MAPK14: variants seen among roughly 807,000 people sequenced by gnomAD.
The protein encoded by MAPK14 is mitogen-activated protein kinase 14.
MAPK14 carries 16 observed loss-of-function variants against 49.6 expected under a neutral mutation model. That is an observed-to-expected ratio of 0.32 (90% confidence interval 0.22 to 0.49). The LOEUF is 0.49. Among genes scored for constraint, MAPK14 ranks in the 20% least tolerant of loss-of-function variants. MAPK14 has a pLI of 0.99. For missense variants in MAPK14, 200 were observed against 441.2 expected (o/e 0.45, Z 4.90); for synonymous variants, 142 against 158.0 (o/e 0.90, Z 0.76).
At chr6:36,055,279 A>G (rs1347320421) in intron 2 of MAPK14, among the ~76,000 whole-genome samples, 2 of 152,348 alleles carry the variant, frequency 1.3e-5, no homozygotes, top group Admixed American at 6.5e-5. Context: ...AAAAATGATC[A>G]AGGAAATTGT....
At chr6:36,081,830 GT>G (rs1764773849) in intron 8 of MAPK14, among the ~76,000 whole-genome samples, 1 of 152,150 alleles carries the variant, frequency 6.6e-6, no homozygotes, top group South Asian at 2.1e-4. Context: ...ATCACTTTAA[GT>G]GATATTGACA....
At chr6:36,072,376 G>A (rs776036649) in intron 3 of MAPK14, among the ~76,000 whole-genome samples, 6 of 152,214 alleles carry the variant, frequency 3.9e-5, no homozygotes, top group Non-Finnish European at 8.8e-5. Flanking sequence ...ATGAGGTAAT[G>A]AGGTGCCCTT....
chr6:36,062,016 CA>C lies in MAPK14; in HGVS notation c.305+2670del, dbSNP rs564771402. ...TTGAGACAGCGTCTTGCCCTGTTGT[CA>C]CCCAGGTTGGAGTGCAGTGGCAAGA... On this transcript the variant is annotated intron_variant, in intron 3 of 11. Transcript: ENST00000229794. Among the ~76,000 whole-genome samples the C allele has an allele frequency of 3.6e-3, 553 of 152,270 alleles. 5 individuals carry two copies. The highest frequency in any genetic ancestry group is 0.013 in the African/African-American group (535 of 41,542).
chr6:36,093,592 G>A (rs578074321), intron 8 of MAPK14, among the ~76,000 whole-genome samples: 13 of 152,040 alleles, frequency 8.6e-5, no homozygotes, highest in South Asian at 4.2e-4. Flanking sequence ...GGTGGCAGGC[G>A]CCTGTAGTCC....
rs765160248 is a variant in MAPK14, at chr6:36,102,641, A to G, written c.833A>G (p.Asn278Ser). 3.7e-6 allele frequency: 6 copies of G among 1,613,796 alleles called. No homozygotes were observed. The highest frequency in any genetic ancestry group is 2.7e-5 in the African/African-American group (2 of 74,924). ...TTTGCGAATGTATTTATTGGTGCCA[A>G]TCCCCTGGGTAAGTTGACCATATAT... ...MNFANVFIGA[N>S]PLAVDLLEKM... The change falls in exon 10 of 12, where the codon AAT becomes AGT. Residue 278 changes from asparagine (N) to serine (S), a missense_variant. Physicochemically the swap from Asn to Ser is conservative, Grantham distance 46. Coordinates refer to ENST00000229794, the MANE Select transcript of MAPK14 (RefSeq NM_139012.3).
At chr6:36,105,595 G>T (rs903724093) in intron 10 of MAPK14, among the ~76,000 whole-genome samples, 3 of 152,062 alleles carry the variant, frequency 2.0e-5, no homozygotes, top group Admixed American at 2.0e-4. Context: ...TATAATCCAG[G>T]CATTCACCTA....
At chr6:36,077,743 T>A (rs1764589354) in intron 8 of MAPK14, among the ~76,000 whole-genome samples, 3 of 152,356 alleles carry the variant, frequency 2.0e-5, no homozygotes, top group South Asian at 4.1e-4. Flanking sequence ...TTAGCTTACC[T>A]TATTACTCCC....
At chr6:36,120,815 G>A in the MAPK14 span, among the ~76,000 whole-genome samples, 556 of 152,294 alleles carry the variant, frequency 3.7e-3, 1 homozygote, top group African/African-American at 0.01. Flanking sequence ...ACATTTGTCC[G>A]TGTATTCTCA....
At chr6:36,071,200 G>C (rs1338428797) in intron 3 of MAPK14, among the ~76,000 whole-genome samples, 2 of 152,020 alleles carry the variant, frequency 1.3e-5, no homozygotes, top group African/African-American at 2.4e-5. Context: ...AGGCATGGTG[G>C]CGAGTACCTG....
At chr6:36,113,433 A>G (rs1257068977), downstream of MAPK14, among the ~76,000 whole-genome samples, 1 of 151,988 alleles carries the variant, frequency 6.6e-6, no homozygotes, top group Non-Finnish European at 1.5e-5. Context: ...AAATACTGGA[A>G]GTAACCCACA....
intron 1 of MAPK14, among the ~76,000 whole-genome samples, chr6:36,036,321 T>C (rs537158377): frequency 6.6e-6 from 1 of 152,108 alleles, no homozygotes; most frequent in Non-Finnish European, 1.5e-5. Flanking sequence ...TAAAGTAGTT[T>C]CTTGAGGTGG....
intron 1 of MAPK14, among the ~76,000 whole-genome samples, chr6:36,038,255 G>T (rs997818742): frequency 6.6e-6 from 1 of 152,152 alleles, no homozygotes; most frequent in African/African-American, 2.4e-5. Flanking sequence ...GTGAGGATGT[G>T]ATAACATTCT....
chr6:36,070,317 G>A (rs927484578), intron 3 of MAPK14, among the ~76,000 whole-genome samples: 1 of 152,294 alleles, frequency 6.6e-6, no homozygotes, highest in East Asian at 1.9e-4. Context: ...GGGTCAGTTA[G>A]TTTTAGATCC....
At chr6:36,120,324 TATGGC>T in the MAPK14 span, among the ~76,000 whole-genome samples, 2 of 152,294 alleles carry the variant, frequency 1.3e-5, no homozygotes, top group Non-Finnish European at 2.9e-5. Context: ...CAGAAGTGAA[TATGGC>T]ATGTGTGTGA....
chr6:36,092,033 G>A (rs950551719), intron 8 of MAPK14: 7 of 440,696 alleles, frequency 1.6e-5, no homozygotes, highest in African/African-American at 1.2e-4. Context: ...ACATTTGCAT[G>A]TTTCAGTGCT....
chr6:36,103,305 G>GGA (rs1400796260), intron 10 of MAPK14, among the ~76,000 whole-genome samples: 2 of 150,790 alleles, frequency 1.3e-5, no homozygotes, highest in African/African-American at 4.9e-5. Context: ...GGCTAAAAAA[G>GGA]GAGTTGCTTT....
Position 36,028,181 on chromosome 6 carries a change from C to T in MAPK14, c.24C>T (p.Phe8=). The change falls in exon 1 of 12, where the codon TTC becomes TTT. Residue 8 remains phenylalanine (F), a synonymous_variant. Transcript: ENST00000229794. This position sits in a 1 kb window ranked among gnomAD's most constrained non-coding sequence, Gnocchi z 5.1. MSQERPT[F]YRQELNKTIW... is the part of the protein sequence containing the mutation. ...AAATGTCTCAGGAGAGGCCCACGTTCTACCGGCAGGAGCTGAACAAGACAA... is the reference window on the plus strand; with the variant it reads ...AAATGTCTCAGGAGAGGCCCACGTTTTACCGGCAGGAGCTGAACAAGACAA... 2 of 1,613,630 alleles carry T rather than the reference C, an allele frequency of 1.2e-6. No homozygotes were observed. The highest frequency in any genetic ancestry group is 2.2e-5 in the East Asian group (1 of 44,826).
At chr6:36,112,413 G>T (rs1765990656), downstream of MAPK14, among the ~76,000 whole-genome samples, 2 of 152,280 alleles carry the variant, frequency 1.3e-5, no homozygotes, top group Non-Finnish European at 1.5e-5. Context: ...GGGGATAGGG[G>T]AAACCTGAAT....
chr6:36,093,379 G>A (rs963404626), intron 8 of MAPK14, among the ~76,000 whole-genome samples: 1 of 152,052 alleles, frequency 6.6e-6, no homozygotes, highest in Admixed American at 6.5e-5. Flanking sequence ...TCAGGTAGTT[G>A]AGAAATTCAC....
Sources: gnomAD v4.1 joint callset for allele counts (sites outside exome capture counted in the v4.1 genomes callset) on GRCh38, gnomAD v4.1.1 for gene constraint, Gnocchi (gnomAD v3.1) non-coding constraint, MANE v1.5 for transcripts, NCBI Gene and HGNC (gene_info 2026-07-23, HGNC 2026-07-21) for gene names.